NOP58: variants seen among roughly 807,000 people sequenced by gnomAD.
The protein encoded by NOP58 is nucleolar protein 58.
NOP58 carries 44 observed loss-of-function variants against 71.2 expected under a neutral mutation model. That is an observed-to-expected ratio of 0.62 (90% CI 0.49 to 0.79). The LOEUF (loss-of-function observed/expected upper bound fraction) is 0.79. Ranked by LOEUF, NOP58 falls within the 30% of genes least tolerant of loss-of-function variation. The pLI is 0.00. For missense variants in NOP58, 538 were observed against 620.2 expected, an observed-to-expected ratio of 0.87 and a Z score of 1.41; for synonymous variants, 228 against 200.3, an observed-to-expected ratio of 1.14 and a Z score of -1.17.
chr2:202,302,020 C>T (rs1469347355), intron 13 of NOP58, among the ~76,000 whole-genome samples: 1 of 150,004 alleles, frequency 6.7e-6, no homozygotes, highest in Non-Finnish European at 1.5e-5. Context: ...CAGAGTCTGA[C>T]ATGAATATTA....
At chr2:202,276,167 C>T (rs1688585576) in intron 2 of NOP58, among the ~76,000 whole-genome samples, 1 of 151,806 alleles carries the variant, frequency 6.6e-6, no homozygotes, top group Non-Finnish European at 1.5e-5. Flanking sequence ...GGTGAAACCC[C>T]CTCTCTCCTA....
rs534951392 is a variant in NOP58 at position 202,291,466 on chromosome 2, A to G, written c.780+196A>G. 172 of 404,644 alleles carry G rather than the reference A, an allele frequency of 4.3e-4. 1 individual carries two copies. The highest frequency in any genetic ancestry group is 3.2e-3 in the African/African-American group (155 of 48,722). 25.1% of individuals were successfully genotyped at this position (404,644 alleles called of 1,614,324 possible). ...GGGGAAATACATATTAAAAGGAAGT[A>G]ATTTACAATCATCGTCTGAATAATG... On this transcript the variant is annotated intron_variant, in intron 8 of 14. Coordinates refer to ENST00000264279, the MANE Select transcript of NOP58 (RefSeq NM_015934.5).
Position 202,286,759 on chromosome 2 carries a change from A to G in NOP58, c.435-901A>G, listed in dbSNP as rs374996571. 3.0e-4 allele frequency among the ~76,000 whole-genome samples: 45 copies of G among 152,272 alleles called. 1 individual carries two copies. In the East Asian group the frequency reaches 3.1e-3, roughly 10 times the overall value. On this transcript the variant is annotated intron_variant, in intron 5 of 14. Transcript: ENST00000264279. Reference sequence around the variant, plus strand: ...AAGGGCAATCAGATGTCCCCCCAGTAGGCATTTGTCTATGTCCATAGACAT... The same window carrying G: ...AAGGGCAATCAGATGTCCCCCCAGTGGGCATTTGTCTATGTCCATAGACAT...
intron 13 of NOP58, among the ~76,000 whole-genome samples, chr2:202,301,406 A>G (rs953516399): frequency 1.3e-5 from 2 of 151,832 alleles, no homozygotes; most frequent in Non-Finnish European, 2.9e-5. Context: ...CCTGGTCTCA[A>G]ACTCCTGACC....
intron 12 of NOP58, 56 bp downstream of exon 12, chr2:202,297,962 A>C: frequency 9.1e-7 from 1 of 1,093,936 alleles, no homozygotes; most frequent in Non-Finnish European, 1.3e-6. Context: ...TTAATTATTG[A>C]CAGTAATTTT....
intron 1 of NOP58, among the ~76,000 whole-genome samples, chr2:202,274,332 T>C (rs189186204): frequency 1.2e-4 from 18 of 151,782 alleles, no homozygotes; most frequent in Admixed American, 3.3e-4. Context: ...GTTCAAGCAA[T>C]TCTCCTGCCT....
intron 6 of NOP58, among the ~76,000 whole-genome samples, chr2:202,288,639 C>A (rs1688832090): frequency 6.6e-6 from 1 of 151,218 alleles, no homozygotes; most frequent in African/African-American, 2.4e-5. Context: ...CATGGTGAAA[C>A]CCGATCTTTA....
At chr2:202,301,315 G>A (rs540907251) in intron 13 of NOP58, among the ~76,000 whole-genome samples, 1 of 152,050 alleles carries the variant, frequency 6.6e-6, no homozygotes, top group African/African-American at 2.4e-5. Flanking sequence ...CTCTTGAGTA[G>A]CTGTGATTAC....
At chr2:202,282,841 G>A (rs1171772846) in intron 4 of NOP58, among the ~76,000 whole-genome samples, 1 of 151,998 alleles carries the variant, frequency 6.6e-6, no homozygotes, top group Non-Finnish European at 1.5e-5. Context: ...TTTTAGTAGG[G>A]GTGTATTGCT....
chr2:202,266,044 G>A, intron 1 of NOP58, 58 bp downstream of exon 1: 1 of 1,588,698 alleles, frequency 6.3e-7, no homozygotes, highest in Non-Finnish European at 8.6e-7. Flanking sequence ...GACGAGGAGA[G>A]GGAAAGACTT....
At position 202,276,539 on chromosome 2, in the gene NOP58, G is replaced by A. The variant is rs370009656; in HGVS notation, c.122+1350G>A. On this transcript the variant is annotated intron_variant, in intron 2 of 14. Transcript: ENST00000264279. ...ATGAATCAACTATATGTTTCTTTCT[G>A]GATAAAATACTACCCTGAGGCTGGG... The A allele has an allele frequency of 4.6e-5, 23 of 500,236 alleles. No homozygotes were observed. In the Middle Eastern group the frequency reaches 2.1e-3, roughly 45 times the overall value. 31.0% of individuals were successfully genotyped at this position (500,236 alleles called of 1,614,324 possible).
chr2:202,282,338 T>C lies in NOP58; in HGVS notation c.176-13T>C. Reference sequence around the variant, plus strand: ...TGAGAGTTAATGCTTTTGTTTTTCTTTTTCTTGAAAAGCATTCACAGCTCT... The same window carrying C: ...TGAGAGTTAATGCTTTTGTTTTTCTCTTTCTTGAAAAGCATTCACAGCTCT... On this transcript the variant is annotated splice_polypyrimidine_tract_variant and intron_variant, in intron 3 of 14. Coordinates refer to ENST00000264279, the MANE Select transcript of NOP58 (RefSeq NM_015934.5). The C allele has an allele frequency of 6.3e-7, 1 of 1,588,730 alleles. No homozygotes were observed. Among genetic ancestry groups the C allele is most frequent in the Non-Finnish European group, 8.5e-7 (1 of 1,174,338 alleles).
At chr2:202,295,981 A>G (rs989227887) in intron 10 of NOP58, 144 bp downstream of exon 10, 13 of 600,998 alleles carry the variant, frequency 2.2e-5, no homozygotes, top group Admixed American at 1.1e-4. Context: ...TTAAATAAAA[A>G]GTGCTTTGTG....
chr2:202,271,148 A>G (rs1245346301), intron 1 of NOP58, among the ~76,000 whole-genome samples: 1 of 152,138 alleles, frequency 6.6e-6, no homozygotes, highest in Non-Finnish European at 1.5e-5. Context: ...ATTCTGTATC[A>G]GCTGCCCAAG....
chr2:202,288,775 A>G (rs1483704997), intron 6 of NOP58, among the ~76,000 whole-genome samples: 1 of 151,742 alleles, frequency 6.6e-6, no homozygotes, highest in Non-Finnish European at 1.5e-5. Flanking sequence ...AGATCGCACC[A>G]TTTCACTCTA....
chr2:202,278,752 C>T (rs1012272114), intron 3 of NOP58, among the ~76,000 whole-genome samples: 7 of 151,998 alleles, frequency 4.6e-5, no homozygotes, highest in Non-Finnish European at 7.4e-5. Flanking sequence ...AAATGAAGGA[C>T]CGTGAGGAAG....
intron 8 of NOP58, 30 bp downstream of exon 8, chr2:202,291,300 T>C (rs1043370426): frequency 4.5e-6 from 7 of 1,565,968 alleles, no homozygotes; most frequent in Non-Finnish European, 6.1e-6. Flanking sequence ...AATCTAGTTG[T>C]GGTGTTACCA....
At chr2:202,302,083 C>CTTTT (rs71031885) in intron 13 of NOP58, among the ~76,000 whole-genome samples, 28 of 90,584 alleles carry the variant, frequency 3.1e-4, no homozygotes, top group Admixed American at 3.9e-4. Flanking sequence ...TTTTTTTTTT[C>CTTTT]TTTTTTTTTT....
chr2:202,281,258 C>G (rs1688698184), intron 3 of NOP58, among the ~76,000 whole-genome samples: 1 of 151,792 alleles, frequency 6.6e-6, no homozygotes, highest in Non-Finnish European at 1.5e-5. Context: ...TCCCGAGTAG[C>G]TAGGATTACA....
Sources: gnomAD v4.1 joint callset for allele counts (sites outside exome capture counted in the v4.1 genomes callset) on GRCh38, gnomAD v4.1.1 for gene constraint, MANE v1.5 for transcripts, NCBI Gene and HGNC (gene_info 2026-07-23, HGNC 2026-07-21) for gene names.